Variants in SLC35F1 observed in about 807,000 individuals in gnomAD.
SLC35F1 encodes the protein chromosome 6 open reading frame 169.
In SLC35F1, 14 loss-of-function variants were observed where a neutral mutation model predicts 48.7. The observed-to-expected ratio is 0.29, with a 90% CI of 0.19 to 0.45. The LOEUF is 0.45. Among genes scored for constraint, SLC35F1 ranks in the 20% least tolerant of loss-of-function variants. SLC35F1 has a pLI of 1.00. For synonymous variants in SLC35F1, 190 were observed against 202.2 expected (o/e 0.94, Z 0.51); for missense variants, 404 against 500.0 (o/e 0.81, Z 1.83).
At chr6:118,223,340 T>G (rs1400273315) in intron 2 of SLC35F1, among the ~76,000 whole-genome samples, 1 of 152,202 alleles carries the variant, frequency 6.6e-6, no homozygotes, top group Non-Finnish European at 1.5e-5. Flanking sequence ...TACCAAGCAG[T>G]TACTGCGAGC....
At chr6:118,179,883 G>A (rs1247243092) in intron 2 of SLC35F1, among the ~76,000 whole-genome samples, 1 of 152,084 alleles carries the variant, frequency 6.6e-6, no homozygotes, top group Non-Finnish European at 1.5e-5. Flanking sequence ...TAGAACCTGG[G>A]TTTTAACAGT....
intron 2 of SLC35F1, among the ~76,000 whole-genome samples, chr6:118,157,920 T>A (rs1489900263): frequency 6.6e-6 from 1 of 152,192 alleles, no homozygotes; most frequent in African/African-American, 2.4e-5. Flanking sequence ...TGACATTCAT[T>A]AACCATCACA....
chr6:117,973,113 G>A (rs1169578490), intron 1 of SLC35F1, among the ~76,000 whole-genome samples: 1 of 152,158 alleles, frequency 6.6e-6, no homozygotes, highest in Non-Finnish European at 1.5e-5. Flanking sequence ...AGATCAAGGT[G>A]TCAGTGGCAG....
intron 7 of SLC35F1, among the ~76,000 whole-genome samples, chr6:118,288,512 A>C (rs1776078794): frequency 6.6e-6 from 1 of 152,210 alleles, no homozygotes; most frequent in African/African-American, 2.4e-5. Context: ...AGTTATTATC[A>C]ATAGGAAGGA....
chr6:118,113,359 T>A (rs2114387481), intron 1 of SLC35F1, among the ~76,000 whole-genome samples: 1 of 152,262 alleles, frequency 6.6e-6, no homozygotes, highest in African/African-American at 2.4e-5. Context: ...AGTGCTGGGA[T>A]TACAGGTGCG....
chr6:118,003,131 G>T (rs142331106), intron 1 of SLC35F1, among the ~76,000 whole-genome samples: 23 of 152,242 alleles, frequency 1.5e-4, no homozygotes, highest in African/African-American at 5.3e-4. Flanking sequence ...ATCCAGAAAG[G>T]TTTAGTTATA....
intron 1 of SLC35F1, among the ~76,000 whole-genome samples, chr6:118,118,729 C>A (rs1185012107): frequency 6.6e-6 from 1 of 152,066 alleles, no homozygotes; most frequent in Non-Finnish European, 1.5e-5. Flanking sequence ...ACTAACAAAT[C>A]TGGTGGGTAA....
chr6:118,177,782 T>C (rs1774512355), intron 2 of SLC35F1, among the ~76,000 whole-genome samples: 1 of 152,128 alleles, frequency 6.6e-6, no homozygotes. Flanking sequence ...AACTTACTAC[T>C]ATAGATTCTA....
chr6:117,929,713 A>C (rs1427381010), intron 1 of SLC35F1, among the ~76,000 whole-genome samples: 1 of 152,094 alleles, frequency 6.6e-6, no homozygotes, highest in Non-Finnish European at 1.5e-5. Context: ...CCATATTATC[A>C]AGGGTTATCT....
intron 2 of SLC35F1, among the ~76,000 whole-genome samples, chr6:118,211,898 C>G (rs1420300922): frequency 6.6e-6 from 1 of 152,078 alleles, no homozygotes; most frequent in Non-Finnish European, 1.5e-5. Context: ...ACACAGGCAT[C>G]CACAGATAAT....
At chr6:117,992,627 G>A (rs1385034818) in intron 1 of SLC35F1, among the ~76,000 whole-genome samples, 1 of 152,134 alleles carries the variant, frequency 6.6e-6, no homozygotes, top group Non-Finnish European at 1.5e-5. Context: ...GCTGACTTTT[G>A]TAGACATTAG....
intron 1 of SLC35F1, among the ~76,000 whole-genome samples, chr6:117,955,394 A>G (rs932701263): frequency 6.6e-6 from 1 of 152,224 alleles, no homozygotes; most frequent in Non-Finnish European, 1.5e-5. Context: ...GTCTTGAGAA[A>G]TGGATTCCTG....
chr6:117,995,253 T>G (rs1323880913), intron 1 of SLC35F1, among the ~76,000 whole-genome samples: 1 of 152,224 alleles, frequency 6.6e-6, no homozygotes, highest in African/African-American at 2.4e-5. Context: ...ATTATAAAGC[T>G]GAGCATGTAT....
Position 117,977,372 on chromosome 6 carries a change from A to G in SLC35F1, c.173+69473A>G, listed in dbSNP as rs534586638. 1.3e-4 allele frequency among the ~76,000 whole-genome samples: 19 copies of G among 151,872 alleles called. No homozygotes were observed. The East Asian group carries it at 3.3e-3, about 26-fold the overall frequency. On this transcript the variant is annotated intron_variant, in intron 1 of 7. Transcript: ENST00000360388. ...CTACTTTCTAGAAAGGTTTTTTAAA[A>G]CCAATTTATACACTAGGAAGGTGTT...
chr6:117,969,552 T>C (rs925089849), intron 1 of SLC35F1, among the ~76,000 whole-genome samples: 2 of 152,130 alleles, frequency 1.3e-5, no homozygotes, highest in African/African-American at 2.4e-5. Flanking sequence ...TGAGACTTCA[T>C]CTCTACAAAA....
In SLC35F1 at chr6:118,150,451, A is replaced by G. The variant is rs28569260; in HGVS notation, c.174-3994A>G. ...AAAGACTAAAATTGTATTCTCTTAT[A>G]TAACTAATCTGTCATTTATTTGTGG... On this transcript the variant is annotated intron_variant, in intron 1 of 7. Transcript: ENST00000360388. 3.1e-4 allele frequency among the ~76,000 whole-genome samples: 47 copies of G among 152,332 alleles called. No individual in the cohort carries two copies. The East Asian group carries it at 7.3e-3, about 24-fold the overall frequency.
intron 1 of SLC35F1, among the ~76,000 whole-genome samples, chr6:118,067,672 G>C (rs1253876632): frequency 6.6e-6 from 1 of 152,156 alleles, no homozygotes; most frequent in Admixed American, 6.5e-5. Flanking sequence ...CAGGCAATTA[G>C]GTGATTTCAA....
In SLC35F1 at chr6:117,923,665, A is replaced by ATG. The variant is rs1382255248; in HGVS notation, c.173+15767_173+15768insGT. On this transcript the variant is annotated intron_variant, in intron 1 of 7. Transcript: ENST00000360388. ...TATGTACATATGTACATATGTATAT[A>ATG]TACATATATGTACATATATACATAT... 7.6e-5 allele frequency among the ~76,000 whole-genome samples: 4 copies of ATG among 52,632 alleles called. 1 individual carries two copies. Among genetic ancestry groups the ATG allele is most frequent in the African/African-American group, 1.9e-4 (2 of 10,552 alleles). The allele number at this position is 52,632 out of a possible 152,430, so 34.5% of individuals were successfully genotyped here. A position where few individuals can be genotyped will look rare whatever the true frequency, so the allele number is the denominator to read the frequency against.
intron 7 of SLC35F1, among the ~76,000 whole-genome samples, chr6:118,289,124 T>G (rs1421305451): frequency 6.6e-6 from 1 of 152,228 alleles, no homozygotes; most frequent in African/African-American, 2.4e-5. Flanking sequence ...GATTGAGTTT[T>G]TCCACTCAGC....
Sources: gnomAD v4.1 joint callset for allele counts (sites outside exome capture counted in the v4.1 genomes callset) on GRCh38, gnomAD v4.1.1 for gene constraint, MANE v1.5 for transcripts, NCBI Gene and HGNC (gene_info 2026-07-23, HGNC 2026-07-21) for gene names.